INPP5F: variants seen among roughly 807,000 people sequenced by gnomAD.
The protein encoded by INPP5F is phosphatidylinositide 4-phosphatase SAC2.
A neutral mutation model predicts 137.2 loss-of-function variants in INPP5F; 97 were observed. The ratio of observed to expected loss-of-function variants is 0.71; its 90% CI spans 0.60 to 0.84. INPP5F has a LOEUF of 0.84. Ranked by LOEUF, INPP5F falls within the 40% of genes least tolerant of loss-of-function variation. The probability of loss-of-function intolerance (pLI) is 0.00; values close to 1 mark genes in which losing one functional copy is unlikely to be tolerated. For synonymous variants in INPP5F, 504 were observed against 476.9 expected, an observed-to-expected ratio of 1.06 and a Z score of -0.74; for missense variants, 1,271 against 1,371.9, an observed-to-expected ratio of 0.93 and a Z score of 1.16.
At position 119,822,505 on chromosome 10, in the gene INPP5F, G is replaced by A. The variant is rs1260813066; in HGVS notation, c.2032+1G>A. On this transcript the variant is annotated splice_donor_variant, in intron 17 of 19. Coordinates refer to ENST00000650623, the MANE Select transcript of INPP5F (RefSeq NM_014937.4). LOFTEE classifies it high-confidence loss of function. ...GAAAACCTGGAAAAAATTGAAATAGGTAAGTTTTAACATACTAATCAAGTC... is the reference window on the plus strand; with the variant it reads ...GAAAACCTGGAAAAAATTGAAATAGATAAGTTTTAACATACTAATCAAGTC... 6.9e-7 allele frequency: 1 copy of A among 1,445,890 alleles called. No homozygotes were observed. The highest frequency in any genetic ancestry group is 9.6e-7 in the Non-Finnish European group (1 of 1,045,790). The allele number at this position is 1,445,890 out of a possible 1,614,324, so 89.6% of individuals were successfully genotyped here.
At position 119,827,506 on chromosome 10, in the gene INPP5F, C is replaced by T; in HGVS notation, c.3125C>T (p.Ser1042Phe). Reference protein sequence around the residue: ...HSVASQKTPTSASSMLELETG... With the variant: ...HSVASQKTPTFASSMLELETG... ...GTTGCATCTCAAAAAACCCCCACCT[C>T]CGCTTCCAGCATGCTTGAACTTGAG... Residue 1042 changes from serine to phenylalanine, a missense_variant, in exon 20 of 20, where the codon TCC becomes TTC. Ser to Phe is a radical substitution (Grantham distance 155, BLOSUM62 -2). Transcript: ENST00000650623. 1.2e-6 allele frequency: 2 copies of T among 1,614,200 alleles called. No individual in the cohort carries two copies. The highest frequency in any genetic ancestry group is 1.7e-6 in the Non-Finnish European group (2 of 1,180,022).
intron 2 of INPP5F, among the ~76,000 whole-genome samples, chr10:119,760,848 T>G (rs1000971854): frequency 6.6e-6 from 1 of 152,226 alleles, no homozygotes; most frequent in African/African-American, 2.4e-5. Flanking sequence ...TTAACTTGTA[T>G]TGTGAGTAAA....
At chr10:119,746,163 G>A (rs748297458) in intron 1 of INPP5F, among the ~76,000 whole-genome samples, 8 of 152,082 alleles carry the variant, frequency 5.3e-5, no homozygotes, top group Non-Finnish European at 1.0e-4. Context: ...TCTGGTTCCT[G>A]GCAAGTACTT....
At chr10:119,745,573 A>T (rs1439566073) in intron 1 of INPP5F, among the ~76,000 whole-genome samples, 2 of 99,624 alleles carry the variant, frequency 2.0e-5, no homozygotes, top group Admixed American at 1.2e-4. Flanking sequence ...GACTGAAAAC[A>T]CGATTTAACT....
chr10:119,826,791 G>C lies in INPP5F; in HGVS notation c.2410G>C (p.Gly804Arg), dbSNP rs545794278. The C allele has an allele frequency of 6.2e-7, 1 of 1,613,726 alleles. No homozygotes were observed. Among genetic ancestry groups the C allele is most frequent in the East Asian group, 2.2e-5 (1 of 44,884 alleles). The change falls in exon 20 of 20, where the codon GGA becomes CGA. Residue 804 changes from glycine (G) to arginine (R), a missense_variant. Physicochemically the swap from Gly to Arg is moderately radical, Grantham distance 125 (BLOSUM62 -2). Coordinates refer to ENST00000650623, the MANE Select transcript of INPP5F (RefSeq NM_014937.4). Reference sequence around the variant, plus strand: ...AAATATTGGCAACCTCCGAAAGCTAGGAAACTTTACCAAACCTGAAATGAA... The same window carrying C: ...AAATATTGGCAACCTCCGAAAGCTACGAAACTTTACCAAACCTGAAATGAA... ...NVNIGNLRKL[G>R]NFTKPEMKVN...
At chr10:119,768,773 GT>G (rs2134156351) in intron 2 of INPP5F, among the ~76,000 whole-genome samples, 1 of 152,312 alleles carries the variant, frequency 6.6e-6, no homozygotes, top group Admixed American at 6.5e-5. Flanking sequence ...AGACTCATTA[GT>G]AAATGCACCT....
At chr10:119,744,595 A>T (rs1353053675) in intron 1 of INPP5F, among the ~76,000 whole-genome samples, 1 of 151,982 alleles carries the variant, frequency 6.6e-6, no homozygotes, top group Non-Finnish European at 1.5e-5. Flanking sequence ...TCTGTCCCCC[A>T]GGCTGGAGTG....
intron 2 of INPP5F, among the ~76,000 whole-genome samples, chr10:119,780,821 A>C (rs1046503733): frequency 1.3e-5 from 2 of 152,226 alleles, no homozygotes; most frequent in African/African-American, 4.8e-5. Flanking sequence ...TATTGTAAGC[A>C]ATCTAGAGAT....
At position 119,800,172 on chromosome 10, in the gene INPP5F, C is replaced by T. The variant is rs1207609454; in HGVS notation, c.1116+1562C>T. ...TAAAAAACTTGTATTTGTTAAGACA[C>T]AAGAGAATGGAAAGGCAGTTCACAA... On this transcript the variant is annotated intron_variant, in intron 9 of 19. Transcript: ENST00000650623. Among the ~76,000 whole-genome samples, 3 of 151,782 alleles carry T rather than the reference C, an allele frequency of 2.0e-5. No individual in the cohort carries two copies. In the East Asian group the frequency reaches 5.8e-4, roughly 29 times the overall value.
chr10:119,785,953 T>A (rs1412868190), intron 3 of INPP5F, among the ~76,000 whole-genome samples: 14 of 152,148 alleles, frequency 9.2e-5, no homozygotes, highest in Admixed American at 9.2e-4. Flanking sequence ...AGAAAAAAAA[T>A]ACCCTTTAAA....
chr10:119,820,388 G>A (rs1851507602), intron 15 of INPP5F, among the ~76,000 whole-genome samples: 1 of 152,210 alleles, frequency 6.6e-6, no homozygotes, highest in East Asian at 1.9e-4. Context: ...TAATGTAAAA[G>A]TCTTTCAAAA....
At position 119,729,351 on chromosome 10, in the gene INPP5F, C is replaced by T. The variant is rs575058022; in HGVS notation, c.97+2992C>T. Among the ~76,000 whole-genome samples, 318 of 152,048 alleles carry T rather than the reference C, an allele frequency of 2.1e-3. 1 individual carries two copies. Among genetic ancestry groups the T allele is most frequent in the African/African-American group, 7.3e-3 (301 of 41,496 alleles). On this transcript the variant is annotated intron_variant, in intron 1 of 19. Coordinates refer to ENST00000650623, the MANE Select transcript of INPP5F (RefSeq NM_014937.4). ...TGTTAGAGATAGGGTTTCGCCATGT[C>T]GGCCAGGCTGGTCTCAAACCCCTGA...
At chr10:119,737,940 T>C (rs1276240087) in intron 1 of INPP5F, among the ~76,000 whole-genome samples, 1 of 152,212 alleles carries the variant, frequency 6.6e-6, no homozygotes, top group East Asian at 1.9e-4. Flanking sequence ...GCCTATAGGC[T>C]TCAGCAGCTG....
intron 3 of INPP5F, among the ~76,000 whole-genome samples, chr10:119,791,125 C>G (rs929783546): frequency 6.6e-6 from 1 of 152,184 alleles, no homozygotes; most frequent in Admixed American, 6.5e-5. Context: ...AGCACGGATA[C>G]CTGTAAAGTC....
At chr10:119,755,882 G>A (rs1260267727) in intron 2 of INPP5F, among the ~76,000 whole-genome samples, 10 of 152,192 alleles carry the variant, frequency 6.6e-5, no homozygotes. Flanking sequence ...TTTCAGCCAG[G>A]CGTGGTGGCT....
rs902863169 is a variant in INPP5F at position 119,781,553 on chromosome 10, A to G, written c.179-82A>G. The G allele has an allele frequency of 1.8e-5, 22 of 1,201,638 alleles. No homozygotes were observed. In the East Asian group the frequency reaches 5.8e-4, roughly 32 times the overall value. The allele number at this position is 1,201,638 out of a possible 1,614,324, so 74.4% of individuals were successfully genotyped here. A position where few individuals can be genotyped will look rare whatever the true frequency, so the allele number is the denominator to read the frequency against. Reference sequence around the variant, plus strand: ...GATGCACACTTTTTTTTTTGTTATCATTGTTAGGTTATTCACCTTCAACTT... The same window carrying G: ...GATGCACACTTTTTTTTTTGTTATCGTTGTTAGGTTATTCACCTTCAACTT... On this transcript the variant is annotated intron_variant, in intron 2 of 19. Transcript: ENST00000650623.
At chr10:119,809,530 T>C (rs1259800517) in intron 13 of INPP5F, among the ~76,000 whole-genome samples, 1 of 152,170 alleles carries the variant, frequency 6.6e-6, no homozygotes, top group African/African-American at 2.4e-5. Context: ...TCTAGGGACT[T>C]GCTCTGACAT....
At chr10:119,738,367 C>T (rs1464215524) in intron 1 of INPP5F, among the ~76,000 whole-genome samples, 2 of 152,040 alleles carry the variant, frequency 1.3e-5, no homozygotes, top group Admixed American at 1.3e-4. Flanking sequence ...TTAGAGTATA[C>T]CTTCTGAAGG....
intron 15 of INPP5F, chr10:119,819,353 A>C: frequency 7.9e-7 from 1 of 1,271,548 alleles, no homozygotes; most frequent in Non-Finnish European, 1.0e-6. Flanking sequence ...GTTACGTGCC[A>C]AGTGCTTTTT....
Sources: gnomAD v4.1 joint callset for allele counts (sites outside exome capture counted in the v4.1 genomes callset) on GRCh38, gnomAD v4.1.1 for gene constraint, MANE v1.5 for transcripts, NCBI Gene and HGNC (gene_info 2026-07-23, HGNC 2026-07-21) for gene names.